PAN3: variants seen among roughly 807,000 people sequenced by gnomAD.
The protein encoded by PAN3 is poly(A) specific ribonuclease subunit PAN3, also known as PAN2-PAN3 deadenylation complex subunit PAN3.
In PAN3, 19 loss-of-function variants were observed where a neutral mutation model predicts 96.2. The observed-to-expected ratio is 0.20, with a 90% CI of 0.14 to 0.29. PAN3 has a LOEUF of 0.29. PAN3 is among the 10% of genes least tolerant of loss of function. The pLI is 1.00. For missense variants in PAN3, 882 were observed against 1,108.1 expected, an observed-to-expected ratio of 0.80 and a Z score of 2.90; for synonymous variants, 433 against 406.6, an observed-to-expected ratio of 1.06 and a Z score of -0.78.
Position 28,274,768 on chromosome 13 carries a change from TG to T in PAN3, c.2050-2466del, listed in dbSNP as rs779013040. On this transcript the variant is annotated intron_variant, in intron 14 of 18. Coordinates refer to ENST00000380958, the MANE Select transcript of PAN3 (RefSeq NM_175854.8). Reference sequence around the variant, plus strand: ...GGATATATATCAGGCTTTCTTTTTTTGGGTATATATGTGTAGCTGATTTTTT... The same window carrying T: ...GGATATATATCAGGCTTTCTTTTTTTGGTATATATGTGTAGCTGATTTTTT... Among the ~76,000 whole-genome samples the T allele has an allele frequency of 8.5e-4, 129 of 152,320 alleles. 1 individual carries two copies. The highest frequency in any genetic ancestry group is 6.8e-3 in the Middle Eastern group (2 of 294).
rs1332422995 is a variant in PAN3 at position 28,179,506 on chromosome 13, G to A, written c.690+1571G>A. Among the ~76,000 whole-genome samples, 4 of 152,160 alleles carry A rather than the reference G, an allele frequency of 2.6e-5. No individual in the cohort carries two copies. The East Asian group carries it at 5.8e-4, about 22-fold the overall frequency. On this transcript the variant is annotated intron_variant, in intron 4 of 18. Coordinates refer to ENST00000380958, the MANE Select transcript of PAN3 (RefSeq NM_175854.8). Reference sequence around the variant, plus strand: ...AAGGCGGGAGAATTGCATGAGCCCAGGAGTTTGAGACCAGTATGTATAACA... The same window carrying A: ...AAGGCGGGAGAATTGCATGAGCCCAAGAGTTTGAGACCAGTATGTATAACA...
intron 15 of PAN3, among the ~76,000 whole-genome samples, chr13:28,277,999 A>G (rs1247724207): frequency 6.6e-6 from 1 of 152,270 alleles, no homozygotes; most frequent in Non-Finnish European, 1.5e-5. Context: ...TACTGTCACA[A>G]CAGAAGGACT....
intron 9 of PAN3, among the ~76,000 whole-genome samples, chr13:28,263,806 T>C (rs1593593065): frequency 6.6e-6 from 1 of 152,210 alleles, no homozygotes; most frequent in Non-Finnish European, 1.5e-5. Context: ...CTTTAAAAAA[T>C]AAAAATTAAT....
chr13:28,181,022 A>T (rs1429745293), intron 4 of PAN3, among the ~76,000 whole-genome samples: 1 of 152,164 alleles, frequency 6.6e-6, no homozygotes, highest in Non-Finnish European at 1.5e-5. Context: ...GATGTTTTGA[A>T]TTGGGTTTTT....
In PAN3 at chr13:28,271,923, A is replaced by G. The variant is rs1886652271; in HGVS notation, c.1959-58A>G. Reference sequence around the variant, plus strand: ...TGGGAAATGTTACTTTTCCATGAGTATGCAATTTTTTAAAAACTTATTTTA... The same window carrying G: ...TGGGAAATGTTACTTTTCCATGAGTGTGCAATTTTTTAAAAACTTATTTTA... On this transcript the variant is annotated intron_variant, in intron 13 of 18. Transcript: ENST00000380958. The G allele has an allele frequency of 1.1e-5, 13 of 1,212,018 alleles. 1 individual carries two copies. In the South Asian group the frequency reaches 2.1e-4, roughly 20 times the overall value. The allele number at this position is 1,212,018 out of a possible 1,614,324, so 75.1% of individuals were successfully genotyped here. A position where few individuals can be genotyped will look rare whatever the true frequency, so the allele number is the denominator to read the frequency against.
At chr13:28,287,023 G>A (rs1343321772) in intron 17 of PAN3, among the ~76,000 whole-genome samples, 1 of 151,440 alleles carries the variant, frequency 6.6e-6, no homozygotes, top group Non-Finnish European at 1.5e-5. Flanking sequence ...CCTTTTCCTT[G>A]CCCTTACCCT....
intron 17 of PAN3, 68 bp from the exon 18 acceptor site, chr13:28,287,916 A>G (rs1869191680): frequency 2.1e-6 from 3 of 1,434,242 alleles, no homozygotes; most frequent in South Asian, 1.5e-5. Context: ...TTTGGAGTCT[A>G]AAAAATAGAC....
At chr13:28,166,208 C>T (rs1271569767) in intron 1 of PAN3, among the ~76,000 whole-genome samples, 1 of 152,174 alleles carries the variant, frequency 6.6e-6, no homozygotes, top group Non-Finnish European at 1.5e-5. Flanking sequence ...CCTGTGAAAT[C>T]AGACAAGTTA....
At chr13:28,193,740 A>AG in intron 4 of PAN3, among the ~76,000 whole-genome samples, 1 of 148,978 alleles carries the variant, frequency 6.7e-6, no homozygotes, top group African/African-American at 2.5e-5. Context: ...CTGACTTAAA[A>AG]AAAAAAAAAA....
chr13:28,247,831 T>G (rs976522410), intron 6 of PAN3, among the ~76,000 whole-genome samples: 2 of 152,222 alleles, frequency 1.3e-5, no homozygotes, highest in African/African-American at 4.8e-5. Flanking sequence ...ACTGTGACTT[T>G]GTAATATATT....
intron 1 of PAN3, among the ~76,000 whole-genome samples, chr13:28,148,883 A>C (rs1304107339): frequency 6.6e-6 from 1 of 152,168 alleles, no homozygotes; most frequent in Non-Finnish European, 1.5e-5. Context: ...TTATATTATT[A>C]GATTCTTTAT....
chr13:28,224,685 C>T (rs1389270400), intron 6 of PAN3, among the ~76,000 whole-genome samples: 1 of 152,042 alleles, frequency 6.6e-6, no homozygotes, highest in African/African-American at 2.4e-5. Flanking sequence ...GTGGCATGAC[C>T]GTAGCTCACT....
chr13:28,200,322 A>G (rs1461848871), intron 5 of PAN3, among the ~76,000 whole-genome samples: 1 of 152,174 alleles, frequency 6.6e-6, no homozygotes, highest in Non-Finnish European at 1.5e-5. Context: ...CCTCTGTGCC[A>G]TTTAACTACT....
At chr13:28,157,487 A>G (rs982862834) in intron 1 of PAN3, among the ~76,000 whole-genome samples, 1 of 152,176 alleles carries the variant, frequency 6.6e-6, no homozygotes, top group Non-Finnish European at 1.5e-5. Flanking sequence ...AAGCTCCTAA[A>G]TCTGACAAAC....
At chr13:28,226,969 G>C (rs1882069033) in intron 6 of PAN3, among the ~76,000 whole-genome samples, 2 of 152,204 alleles carry the variant, frequency 1.3e-5, no homozygotes, top group South Asian at 4.1e-4. Context: ...TTATGATTAA[G>C]ATGAGGGATC....
intron 17 of PAN3, among the ~76,000 whole-genome samples, chr13:28,286,117 A>T (rs996889037): frequency 5.3e-5 from 8 of 152,204 alleles, no homozygotes; most frequent in Non-Finnish European, 4.4e-5. Flanking sequence ...TGATGTTGTT[A>T]TACATGATTT....
intron 4 of PAN3, among the ~76,000 whole-genome samples, chr13:28,190,484 T>C (rs1199933121): frequency 6.6e-6 from 1 of 152,162 alleles, no homozygotes; most frequent in Non-Finnish European, 1.5e-5. Context: ...GTCCTTGAAC[T>C]CCTGGCCTTA....
At chr13:28,270,369 C>G (rs919121034) in intron 12 of PAN3, among the ~76,000 whole-genome samples, 1 of 152,146 alleles carries the variant, frequency 6.6e-6, no homozygotes, top group African/African-American at 2.4e-5. Flanking sequence ...AGTAGAAAAA[C>G]CTCTACGGTT....
At chr13:28,257,708 TTA>T (rs1047886365) in intron 7 of PAN3, among the ~76,000 whole-genome samples, 4 of 139,428 alleles carry the variant, frequency 2.9e-5, no homozygotes, top group South Asian at 2.2e-4. Context: ...ATTATATATA[TTA>T]TATATAATTA....
Sources: gnomAD v4.1 joint callset for allele counts (sites outside exome capture counted in the v4.1 genomes callset) on GRCh38, gnomAD v4.1.1 for gene constraint, MANE v1.5 for transcripts, NCBI Gene and HGNC (gene_info 2026-07-23, HGNC 2026-07-21) for gene names.